ACTR3C: variants seen among roughly 807,000 people sequenced by gnomAD.
The protein encoded by ACTR3C is actin related protein 3C, also known as actin-related protein 3C.
ACTR3C carries 18 observed loss-of-function variants against 26.3 expected under a neutral mutation model. That is an observed-to-expected ratio of 0.68 (90% confidence interval 0.47 to 1.01). The LOEUF is 1.01. Among genes scored for constraint, ACTR3C ranks in the 50% least tolerant of loss-of-function variants. ACTR3C has a pLI of 0.00. For missense variants in ACTR3C, 184 were observed against 250.7 expected (o/e 0.73, Z 1.80); for synonymous variants, 55 against 94.5 (o/e 0.58, Z 2.42).
At chr7:149,906,513 C>A in the ACTR3C span, among the ~76,000 whole-genome samples, 1 of 146,570 alleles carries the variant, frequency 6.8e-6, no homozygotes, top group Non-Finnish European at 1.5e-5. Context: ...CTCACTGCAA[C>A]CTCCACCTCC....
the ACTR3C span, among the ~76,000 whole-genome samples, chr7:150,034,030 C>A: frequency 6.6e-6 from 1 of 151,728 alleles, no homozygotes; most frequent in Non-Finnish European, 1.5e-5. Flanking sequence ...GTCCCAAGAG[C>A]CAGGGGGGGA....
At chr7:150,109,507 G>A in the ACTR3C span, among the ~76,000 whole-genome samples, 35 of 151,800 alleles carry the variant, frequency 2.3e-4, no homozygotes, top group African/African-American at 7.8e-4. Flanking sequence ...TCCAAAAGCC[G>A]GTGTGTGCTC....
the ACTR3C span, among the ~76,000 whole-genome samples, chr7:150,174,688 G>T: frequency 0.52 from 69,080 of 133,684 alleles, 19,557 homozygotes; most frequent in East Asian, 0.75. Context: ...AATAAGAAAT[G>T]TATATTTGAG....
the ACTR3C span, among the ~76,000 whole-genome samples, chr7:150,129,878 C>T: frequency 4.0e-5 from 6 of 151,826 alleles, 1 homozygote; most frequent in Admixed American, 3.9e-4. Context: ...ATAGCCAAAA[C>T]AATTTTAAAG....
chr7:150,208,172 G>A, the ACTR3C span, among the ~76,000 whole-genome samples: 16 of 152,252 alleles, frequency 1.1e-4, no homozygotes, highest in East Asian at 2.3e-3. Context: ...AGACTAAAGC[G>A]GATGACGGAC....
the ACTR3C span, among the ~76,000 whole-genome samples, chr7:150,149,205 T>A: frequency 6.6e-6 from 1 of 150,606 alleles, no homozygotes. Flanking sequence ...TTGTTCATCT[T>A]TTCCTCACTG....
At chr7:150,145,963 TA>T in the ACTR3C span, among the ~76,000 whole-genome samples, 1 of 150,086 alleles carries the variant, frequency 6.7e-6, no homozygotes, top group Non-Finnish European at 1.5e-5. Context: ...CACTTCCTCT[TA>T]AAAATATGAA....
chr7:150,083,459 C>T, the ACTR3C span, among the ~76,000 whole-genome samples: 77 of 152,122 alleles, frequency 5.1e-4, no homozygotes, highest in African/African-American at 1.8e-3. Context: ...CCCAGTTACT[C>T]GGTAGGCTGA....
the ACTR3C span, among the ~76,000 whole-genome samples, chr7:149,993,438 C>A: frequency 1.3e-5 from 2 of 152,146 alleles, no homozygotes; most frequent in African/African-American, 4.8e-5. Context: ...TAGAGGACCA[C>A]CAACATCTAA....
the ACTR3C span, among the ~76,000 whole-genome samples, chr7:150,067,116 G>A: frequency 1.1e-4 from 17 of 152,236 alleles, no homozygotes; most frequent in Non-Finnish European, 1.5e-4. Context: ...TGAGGAGGAT[G>A]TAGAGCCTTG....
chr7:149,996,008 G>A, the ACTR3C span, among the ~76,000 whole-genome samples: 28,344 of 149,912 alleles, frequency 0.19, 831 homozygotes, highest in South Asian at 0.27. Flanking sequence ...TCACACCTGT[G>A]CGGTATGTGC....
the ACTR3C span, among the ~76,000 whole-genome samples, chr7:150,133,698 C>T: frequency 6.6e-6 from 1 of 152,154 alleles, no homozygotes. Context: ...ATCTCTTTAG[C>T]ATCTGCTTCT....
chr7:150,015,239 T>C, the ACTR3C span, among the ~76,000 whole-genome samples: 1 of 152,168 alleles, frequency 6.6e-6, no homozygotes, highest in Non-Finnish European at 1.5e-5. Flanking sequence ...TGTGCTGCTG[T>C]GTTCACATGC....
At chr7:150,035,546 C>T in the ACTR3C span, among the ~76,000 whole-genome samples, 794 of 106,082 alleles carry the variant, frequency 7.5e-3, 7 homozygotes, top group South Asian at 0.017. Context: ...CCCCCTCCTG[C>T]GATGGGGGTC....
the ACTR3C span, among the ~76,000 whole-genome samples, chr7:150,171,960 C>T: frequency 6.6e-5 from 10 of 150,520 alleles, no homozygotes; most frequent in Non-Finnish European, 1.0e-4. Flanking sequence ...TAAAGTCATG[C>T]GCCACCACAC....
the ACTR3C span, among the ~76,000 whole-genome samples, chr7:150,144,251 T>TA: frequency 6.6e-6 from 1 of 152,164 alleles, no homozygotes; most frequent in African/African-American, 2.4e-5. This position sits in a 1 kb window ranked among gnomAD's most constrained non-coding sequence, Gnocchi z 4.6. Flanking sequence ...GAGTGAAGCT[T>TA]TCCTAAAGAC....
At chr7:150,132,652 T>C in the ACTR3C span, among the ~76,000 whole-genome samples, 1 of 152,150 alleles carries the variant, frequency 6.6e-6, no homozygotes, top group Non-Finnish European at 1.5e-5. Flanking sequence ...GCTCACACAC[T>C]GTCAGTGGGA....
At chr7:150,048,461 G>A in the ACTR3C span, among the ~76,000 whole-genome samples, 3 of 152,228 alleles carry the variant, frequency 2.0e-5, no homozygotes, top group East Asian at 3.9e-4. Flanking sequence ...GGAGGGGCGG[G>A]GACCACGCGG....
chr7:150,197,365 G>A, the ACTR3C span, among the ~76,000 whole-genome samples: 2 of 152,130 alleles, frequency 1.3e-5, no homozygotes, highest in Admixed American at 6.5e-5. Context: ...TCCTATTGAC[G>A]TCTGACTTGA....
Sources: allele counts gnomAD v4.1 joint callset (sites outside exome capture counted in the v4.1 genomes callset), GRCh38; gene constraint gnomAD v4.1.1; non-coding constraint Gnocchi (gnomAD v3.1); transcripts MANE v1.5; gene names NCBI Gene and HGNC (gene_info 2026-07-23, HGNC 2026-07-21).